The following TRIO variants were observed in gnomAD, a reference collection of about 807,000 sequenced individuals.
TRIO encodes the protein triple functional domain protein.
Under a neutral mutation model 351.9 loss-of-function variants are expected in TRIO, and 58 were observed. That is an observed-to-expected ratio of 0.16 (90% CI 0.13 to 0.21). The LOEUF (loss-of-function observed/expected upper bound fraction) is 0.21. TRIO is among the 10% of genes least tolerant of loss of function. The pLI is 1.00. For missense variants in TRIO, 3,201 were observed against 4,027.8 expected (o/e 0.79, Z 5.56); for synonymous variants, 1,758 against 1,595.7 (o/e 1.10, Z -2.42).
At chr5:14,421,271 A>ATTTTATT (rs1750127193) in intron 34 of TRIO, among the ~76,000 whole-genome samples, 1 of 134,586 alleles carries the variant, frequency 7.4e-6, no homozygotes, top group African/African-American at 2.8e-5. Flanking sequence ...ATTTTATTTT[A>ATTTTATT]TTTTATTTTA....
At chr5:14,319,887 C>CG (rs1739717660) in intron 9 of TRIO, among the ~76,000 whole-genome samples, 1 of 152,042 alleles carries the variant, frequency 6.6e-6, no homozygotes, top group African/African-American at 2.4e-5. Context: ...TCTTAATAAG[C>CG]GGGGGCCAAT....
rs758704422 is a variant in TRIO, at chr5:14,488,080, C to T, written c.7452C>T (p.Ser2484=). Residue 2484 remains serine, a synonymous_variant, in exon 48 of 57, where the codon TCC becomes TCT. Coordinates refer to ENST00000344204, the MANE Select transcript of TRIO (RefSeq NM_007118.4). ...PPSSPLQKGG[S]FWSSIPASPA... is the part of the protein sequence containing the mutation. ...GCAGCCCCCTGCAGAAGGGGGGCTC[C>T]TTCTGGAGCTCCATCCCCGCCTCCC... 5.6e-6 allele frequency: 9 copies of T among 1,609,960 alleles called. No individual in the cohort carries two copies. Among genetic ancestry groups the T allele is most frequent in the Middle Eastern group, 1.7e-4 (1 of 5,956 alleles).
chr5:14,304,428 T>C (rs1453598998), intron 7 of TRIO, 33 bp from the exon 8 acceptor site: 12 of 1,588,490 alleles, frequency 7.6e-6, no homozygotes, highest in Admixed American at 1.9e-5. Flanking sequence ...TAAATTGTCA[T>C]TGATAGAAAT....
intron 1 of TRIO, among the ~76,000 whole-genome samples, chr5:14,208,749 C>T (rs749429392): frequency 1.7e-4 from 26 of 152,226 alleles, no homozygotes; most frequent in Non-Finnish European, 2.9e-4. Flanking sequence ...TTCATCAGAC[C>T]TTGTTCAAAT....
At chr5:14,430,199 T>A (rs1237377579) in intron 34 of TRIO, among the ~76,000 whole-genome samples, 1 of 140,566 alleles carries the variant, frequency 7.1e-6, no homozygotes, top group African/African-American at 2.8e-5. Context: ...TTTTTTTTAA[T>A]TTTTTTACCC....
chr5:14,399,241 C>G, intron 30 of TRIO, 171 bp downstream of exon 30: 2 of 665,364 alleles, frequency 3.0e-6, no homozygotes, highest in South Asian at 3.9e-5. Flanking sequence ...TTCCCACCCT[C>G]AAGTCCACTA....
chr5:14,228,287 T>G (rs1793174003), intron 1 of TRIO, among the ~76,000 whole-genome samples: 1 of 152,238 alleles, frequency 6.6e-6, no homozygotes, highest in Non-Finnish European at 1.5e-5. Context: ...AATCAATTCC[T>G]GGTACCTGTG....
chr5:14,158,427 A>T (rs888616209), intron 1 of TRIO, among the ~76,000 whole-genome samples: 1 of 152,138 alleles, frequency 6.6e-6, no homozygotes, highest in Non-Finnish European at 1.5e-5. Flanking sequence ...CCGCCTCAAA[A>T]AAAAAAAAAA....
intron 1 of TRIO, among the ~76,000 whole-genome samples, chr5:14,164,159 G>T (rs777216511): frequency 1.3e-5 from 2 of 152,170 alleles, no homozygotes; most frequent in East Asian, 1.9e-4. Context: ...ACACATTCAC[G>T]TGACTTAAAT....
intron 44 of TRIO, 83 bp downstream of exon 44, chr5:14,481,367 G>C: frequency 6.4e-7 from 1 of 1,572,682 alleles, no homozygotes; most frequent in East Asian, 2.2e-5. Flanking sequence ...CAGTGGTCTG[G>C]CCCTGGGAGG....
Position 14,292,999 on chromosome 5 carries a change from T to G in TRIO, c.1054-13T>G, listed in dbSNP as rs1307085072. The G allele has an allele frequency of 6.2e-7, 1 of 1,613,960 alleles. No homozygotes were observed. Among genetic ancestry groups the G allele is most frequent in the Non-Finnish European group, 8.5e-7 (1 of 1,179,948 alleles). On this transcript the variant is annotated splice_polypyrimidine_tract_variant and intron_variant, in intron 5 of 56. Coordinates refer to ENST00000344204, the MANE Select transcript of TRIO (RefSeq NM_007118.4). ...TCTGGAGTGATTGCGGGTTGTCTTT[T>G]TCCTTCCGGTAGATGTTTGACTGGA...
intron 1 of TRIO, among the ~76,000 whole-genome samples, chr5:14,196,212 A>G (rs938364015): frequency 6.6e-6 from 1 of 152,124 alleles, no homozygotes; most frequent in Non-Finnish European, 1.5e-5. Context: ...ACCTGAGATC[A>G]GGAGTGTGAG....
chr5:14,426,598 G>T (rs1405381042), intron 34 of TRIO, among the ~76,000 whole-genome samples: 2 of 152,172 alleles, frequency 1.3e-5, no homozygotes, highest in Non-Finnish European at 2.9e-5. Context: ...ATACACTGTT[G>T]AACTTAAAAA....
At chr5:14,489,848 T>G (rs1756352858) in intron 48 of TRIO, among the ~76,000 whole-genome samples, 1 of 152,200 alleles carries the variant, frequency 6.6e-6, no homozygotes, top group African/African-American at 2.4e-5. Flanking sequence ...TTTCTCTCTT[T>G]CTCTTCCTAC....
intron 1 of TRIO, among the ~76,000 whole-genome samples, chr5:14,231,103 A>G (rs1793399469): frequency 6.6e-6 from 1 of 152,176 alleles, no homozygotes. Flanking sequence ...TAACAATCCA[A>G]AGGTTTAGGA....
intron 9 of TRIO, among the ~76,000 whole-genome samples, chr5:14,320,869 A>T (rs1160567140): frequency 6.6e-6 from 1 of 152,154 alleles, no homozygotes; most frequent in Non-Finnish European, 1.5e-5. Flanking sequence ...TGTGGAGTAT[A>T]ATTTGCTAAG....
chr5:14,279,461 C>T (rs191028437), intron 2 of TRIO, among the ~76,000 whole-genome samples: 25 of 152,014 alleles, frequency 1.6e-4, no homozygotes, highest in Non-Finnish European at 2.8e-4. Context: ...TGAGGTCTCC[C>T]GAAGAGAGAT....
At chr5:14,284,131 AGGAAC>A (rs1736241040) in intron 3 of TRIO, among the ~76,000 whole-genome samples, 1 of 152,214 alleles carries the variant, frequency 6.6e-6, no homozygotes, top group Admixed American at 6.5e-5. Context: ...TTCTTCCTCT[AGGAAC>A]GAAACAAGTA....
At chr5:14,461,353 C>G (rs950089431) in intron 35 of TRIO, 42 bp downstream of exon 35, 1 of 1,466,472 alleles carries the variant, frequency 6.8e-7, no homozygotes, top group Non-Finnish European at 9.0e-7. Flanking sequence ...TGGCGGGGCC[C>G]GCTGGGCTTT....
Sources: gnomAD v4.1 joint callset for allele counts (sites outside exome capture counted in the v4.1 genomes callset) on GRCh38, gnomAD v4.1.1 for gene constraint, MANE v1.5 for transcripts, NCBI Gene and HGNC (gene_info 2026-07-23, HGNC 2026-07-21) for gene names.